Variants in TPRG1 observed in about 807,000 individuals in gnomAD.
TPRG1 encodes tumor protein p63 regulated 1, also known as tumor protein p63-regulated gene 1 protein.
TPRG1 carries 29 observed loss-of-function variants against 29.3 expected under a neutral mutation model. That is an observed-to-expected ratio of 0.99 (90% CI 0.74 to 1.35). The LOEUF (loss-of-function observed/expected upper bound fraction) is 1.35. Ranked by LOEUF, TPRG1 falls within the 40% of genes most tolerant of loss-of-function variation. The pLI, the probability that TPRG1 is intolerant of heterozygous loss-of-function variation, is 0.00. For missense variants in TPRG1, 327 were observed against 335.0 expected, an observed-to-expected ratio of 0.98 and a Z score of 0.19; for synonymous variants, 130 against 116.8, an observed-to-expected ratio of 1.11 and a Z score of -0.73.
chr3:189,195,245 C>T (rs1420918409), intron 1 of TPRG1, among the ~76,000 whole-genome samples: 1 of 152,086 alleles, frequency 6.6e-6, no homozygotes, highest in African/African-American at 2.4e-5. Flanking sequence ...GGCACTGTTT[C>T]CTGGGATGAA....
intron 1 of TPRG1, among the ~76,000 whole-genome samples, chr3:189,175,920 C>G (rs577201044): frequency 4.9e-4 from 74 of 152,170 alleles, no homozygotes; most frequent in African/African-American, 1.3e-3. Flanking sequence ...TAACCTTTGT[C>G]CTTTGGTCTG....
intron 5 of TPRG1, among the ~76,000 whole-genome samples, chr3:189,318,013 A>G (rs2109354890): frequency 6.6e-6 from 1 of 152,258 alleles, no homozygotes; most frequent in Middle Eastern, 3.4e-3. Context: ...TATGAGGATA[A>G]TTCCAGGAAA....
intron 3 of TPRG1, among the ~76,000 whole-genome samples, chr3:189,138,797 A>C (rs1211281673): frequency 6.6e-6 from 1 of 152,152 alleles, no homozygotes; most frequent in Non-Finnish European, 1.5e-5. Context: ...GATGGAGAGC[A>C]TGAGGGCTTT....
intron 3 of TPRG1, among the ~76,000 whole-genome samples, chr3:189,145,372 A>AAAAAAAAAAAAAAAG (rs1725127908): frequency 6.6e-6 from 1 of 151,500 alleles, no homozygotes; most frequent in South Asian, 2.1e-4. Context: ...AAAAAAAAAA[A>AAAAAAAAAAAAAAAG]ACATGCCAAA....
intron 1 of TPRG1, among the ~76,000 whole-genome samples, chr3:189,196,083 T>G (rs577516167): frequency 2.6e-5 from 4 of 152,302 alleles, no homozygotes; most frequent in African/African-American, 9.6e-5. Flanking sequence ...TCTCAGGGAT[T>G]TGAGGCAGTT....
At chr3:189,137,837 C>T (rs1022620078) in intron 3 of TPRG1, among the ~76,000 whole-genome samples, 1 of 152,150 alleles carries the variant, frequency 6.6e-6, no homozygotes, top group African/African-American at 2.4e-5. Flanking sequence ...ATGTGATCTT[C>T]CTTTTCCTGC....
chr3:189,253,606 G>T (rs1742618452), intron 4 of TPRG1, among the ~76,000 whole-genome samples: 1 of 152,156 alleles, frequency 6.6e-6, no homozygotes, highest in Non-Finnish European at 1.5e-5. Context: ...AATCCTTTGG[G>T]TGTATACCCA....
intron 1 of TPRG1, among the ~76,000 whole-genome samples, chr3:189,111,444 T>C (rs913879405): frequency 6.6e-6 from 1 of 152,050 alleles, no homozygotes; most frequent in African/African-American, 2.4e-5. Context: ...TTATGTTGGG[T>C]TTATCAGGAT....
At chr3:189,139,245 G>A (rs1488096617) in intron 3 of TPRG1, among the ~76,000 whole-genome samples, 1 of 152,206 alleles carries the variant, frequency 6.6e-6, no homozygotes, top group African/African-American at 2.4e-5. Flanking sequence ...GTAAGTAAGA[G>A]ATGCATCTGC....
intron 1 of TPRG1, chr3:189,127,035 C>T (rs905566937): frequency 1.3e-5 from 2 of 152,180 alleles, no homozygotes; most frequent in South Asian, 2.1e-4. Flanking sequence ...AATTACAAAT[C>T]TGCATCTTCC....
rs1461473189 is a variant in TPRG1, at chr3:189,322,338, ACT to A, written c.*1521_*1522del. 6.6e-6 allele frequency: 1 copy of A among 151,992 alleles called. No homozygotes were observed. The highest frequency in any genetic ancestry group is 1.5e-5 in the Non-Finnish European group (1 of 67,856). 9.4% of individuals were successfully genotyped at this position (151,992 alleles called of 1,614,324 possible). ...ACATTCAAACCCTAAACCTTGAATA[ACT>A]CTTATTTTATTTTGTCTTTGTTTAC... On this transcript the variant is annotated 3_prime_UTR_variant, in exon 6 of 6. Transcript: ENST00000345063.
In TPRG1 at chr3:189,256,104, TA is replaced by T. The variant is rs1579064097; in HGVS notation, c.479+17196del. On this transcript the variant is annotated intron_variant, in intron 4 of 5. Transcript: ENST00000345063. ...TCTCTAAGTCTTTTAATTGTGATGTTAGGGTGTTGATTTTAGATCTTTCCCA... is the reference window on the plus strand; with the variant it reads ...TCTCTAAGTCTTTTAATTGTGATGTTGGGTGTTGATTTTAGATCTTTCCCA... 7.2e-5 allele frequency among the ~76,000 whole-genome samples: 11 copies of T among 152,334 alleles called. No homozygotes were observed. The East Asian group carries it at 2.1e-3, about 29-fold the overall frequency.
chr3:189,237,796 T>G (rs930419351), intron 3 of TPRG1, among the ~76,000 whole-genome samples: 4 of 152,176 alleles, frequency 2.6e-5, no homozygotes, highest in Non-Finnish European at 5.9e-5. Context: ...TTAGATTGAT[T>G]CTGTGTGGTG....
intron 4 of TPRG1, among the ~76,000 whole-genome samples, chr3:189,265,812 C>T (rs1055102431): frequency 6.6e-6 from 1 of 152,086 alleles, no homozygotes; most frequent in Non-Finnish European, 1.5e-5. Flanking sequence ...GAGTGGGGAG[C>T]GGGAAGGAAT....
At chr3:189,004,785 C>A (rs1323216818) in intron 3 of TPRG1, 1 of 152,140 alleles carries the variant, frequency 6.6e-6, no homozygotes, top group Non-Finnish European at 1.5e-5. Context: ...CACTAGAAAT[C>A]TAGATCTGGG....
intron 2 of TPRG1, chr3:189,211,905 C>T (rs1735320875): frequency 1.3e-5 from 2 of 151,996 alleles, no homozygotes; most frequent in Non-Finnish European, 2.9e-5. Flanking sequence ...CCTTTGGTTT[C>T]AGTTCATCTG....
At chr3:189,103,212 C>T (rs757269362) in intron 1 of TPRG1, among the ~76,000 whole-genome samples, 1 of 152,166 alleles carries the variant, frequency 6.6e-6, no homozygotes, top group African/African-American at 2.4e-5. Flanking sequence ...CAGAAGCATG[C>T]CCATTCAGTG....
intron 4 of TPRG1, among the ~76,000 whole-genome samples, chr3:189,249,031 G>T (rs1741768411): frequency 6.6e-6 from 1 of 151,186 alleles, no homozygotes; most frequent in African/African-American, 2.4e-5. Flanking sequence ...CATATATATA[G>T]AGTTCTACAT....
intron 1 of TPRG1, among the ~76,000 whole-genome samples, chr3:189,176,701 G>A (rs1729533408): frequency 6.6e-6 from 1 of 152,208 alleles, no homozygotes; most frequent in African/African-American, 2.4e-5. Context: ...GAGTATTCCA[G>A]GCAGCTGGAA....
Sources: allele counts gnomAD v4.1 joint callset (sites outside exome capture counted in the v4.1 genomes callset), GRCh38; gene constraint gnomAD v4.1.1; transcripts MANE v1.5; gene names NCBI Gene and HGNC (gene_info 2026-07-23, HGNC 2026-07-21).